RAB2A: variants seen among roughly 807,000 people sequenced by gnomAD.
RAB2A encodes the protein RAB2A, member RAS oncogene family, also known as ras-related protein Rab-2A.
Under a neutral mutation model 32.5 loss-of-function variants are expected in RAB2A, and 7 were observed. The ratio of observed to expected loss-of-function variants is 0.22; its 90% CI spans 0.12 to 0.40. The LOEUF (loss-of-function observed/expected upper bound fraction) is 0.40, where lower values mean the gene tolerates loss of function less well. Among genes scored for constraint, RAB2A ranks in the 10% least tolerant of loss-of-function variants. The pLI is 1.00. For missense variants in RAB2A, 108 were observed against 260.7 expected (o/e 0.41, Z 4.03); for synonymous variants, 79 against 85.2 (o/e 0.93, Z 0.40).
At chr8:60,542,101 C>A (rs989175617) in intron 1 of RAB2A, among the ~76,000 whole-genome samples, 1 of 152,142 alleles carries the variant, frequency 6.6e-6, no homozygotes, top group Non-Finnish European at 1.5e-5. Context: ...AAGGAAGATA[C>A]TTCTACCTTT....
chr8:60,606,309 G>C (rs1289014691), intron 6 of RAB2A, among the ~76,000 whole-genome samples: 1 of 152,196 alleles, frequency 6.6e-6, no homozygotes, highest in Non-Finnish European at 1.5e-5. Flanking sequence ...AGTACTGTTA[G>C]GAAGTGACAC....
At chr8:60,568,068 A>G (rs1156670682) in intron 2 of RAB2A, among the ~76,000 whole-genome samples, 1 of 152,184 alleles carries the variant, frequency 6.6e-6, no homozygotes, top group African/African-American at 2.4e-5. Flanking sequence ...AAATCAGGCC[A>G]CCTTCCCTCA....
At chr8:60,545,477 A>G (rs1224914161) in intron 1 of RAB2A, among the ~76,000 whole-genome samples, 2 of 152,050 alleles carry the variant, frequency 1.3e-5, no homozygotes, top group African/African-American at 4.8e-5. Flanking sequence ...TAGAGGTGCC[A>G]TGTTGCCCAG....
At chr8:60,541,151 T>C (rs1807639064) in intron 1 of RAB2A, among the ~76,000 whole-genome samples, 1 of 152,124 alleles carries the variant, frequency 6.6e-6, no homozygotes, top group Non-Finnish European at 1.5e-5. Context: ...TCCAAACACT[T>C]ATAATCCCAG....
chr8:60,580,000 CTT>C (rs10714421), intron 3 of RAB2A, among the ~76,000 whole-genome samples: 96 of 133,616 alleles, frequency 7.2e-4, no homozygotes, highest in South Asian at 9.7e-4. Context: ...ATTAAAGCAC[CTT>C]TTTTTTTTTT....
chr8:60,548,790 C>CGG (rs1563466238), intron 1 of RAB2A, among the ~76,000 whole-genome samples: 5 of 143,708 alleles, frequency 3.5e-5, no homozygotes, highest in Non-Finnish European at 7.5e-5. Flanking sequence ...ACCTCCCTCC[C>CGG]AGACGGGGCG....
At chr8:60,525,008 A>G (rs1276372029) in intron 1 of RAB2A, among the ~76,000 whole-genome samples, 1 of 152,190 alleles carries the variant, frequency 6.6e-6, no homozygotes, top group Non-Finnish European at 1.5e-5. Flanking sequence ...CACCATATCA[A>G]AAGCTTATTA....
chr8:60,523,790 A>C (rs1054063546), intron 1 of RAB2A, among the ~76,000 whole-genome samples: 1 of 149,440 alleles, frequency 6.7e-6, no homozygotes, highest in South Asian at 2.1e-4. Context: ...TCCCGGGTTC[A>C]CACCATTCTC....
At chr8:60,547,755 T>C (rs1402734133) in intron 1 of RAB2A, among the ~76,000 whole-genome samples, 3 of 115,704 alleles carry the variant, frequency 2.6e-5, no homozygotes, top group African/African-American at 1.1e-4. Context: ...GCAGAGTGGC[T>C]CCTCACTTCC....
intron 1 of RAB2A, among the ~76,000 whole-genome samples, chr8:60,555,787 A>G (rs1176086685): frequency 6.6e-6 from 1 of 152,238 alleles, no homozygotes; most frequent in East Asian, 1.9e-4. Context: ...AAGAGAAACA[A>G]TATCAAGATT....
intron 3 of RAB2A, among the ~76,000 whole-genome samples, chr8:60,576,841 G>A (rs1290591887): frequency 1.3e-5 from 2 of 152,058 alleles, no homozygotes; most frequent in African/African-American, 4.8e-5. Flanking sequence ...CCTTAAGCTG[G>A]GAGTTGAGGG....
chr8:60,571,934 C>T (rs17822578), intron 2 of RAB2A, 112 bp from the exon 3 acceptor site: 1 of 619,120 alleles, frequency 1.6e-6, no homozygotes, highest in Admixed American at 3.2e-5. Flanking sequence ...TAAAGTTGAT[C>T]TGTATATTAC....
chr8:60,531,679 C>A (rs1278205072), intron 1 of RAB2A, among the ~76,000 whole-genome samples: 1 of 151,916 alleles, frequency 6.6e-6, no homozygotes, highest in Non-Finnish European at 1.5e-5. Context: ...AAAGAAAGTT[C>A]TTTTCCATCT....
chr8:60,576,710 C>T (rs1167910794), intron 3 of RAB2A, among the ~76,000 whole-genome samples: 1 of 152,234 alleles, frequency 6.6e-6, no homozygotes, highest in East Asian at 1.9e-4. Flanking sequence ...GATGGATGAC[C>T]AGATGCAGTG....
intron 1 of RAB2A, among the ~76,000 whole-genome samples, chr8:60,542,825 C>T: frequency 6.6e-6 from 1 of 152,182 alleles, no homozygotes; most frequent in Non-Finnish European, 1.5e-5. Context: ...CTGCACTTTG[C>T]AGTTTCCAGG....
chr8:60,620,258 C>T (rs950519675), intron 7 of RAB2A, among the ~76,000 whole-genome samples: 34 of 152,310 alleles, frequency 2.2e-4, no homozygotes, highest in African/African-American at 8.2e-4. Flanking sequence ...ACTCATATGC[C>T]CTTAGCCTGT....
At position 60,517,137 on chromosome 8, in the gene RAB2A, G is replaced by A; in HGVS notation, c.-71G>A. The A allele has an allele frequency of 1.4e-6, 2 of 1,436,698 alleles. No individual in the cohort carries two copies. Among genetic ancestry groups the A allele is most frequent in the Middle Eastern group, 2.4e-4 (1 of 4,148 alleles). The allele number at this position is 1,436,698 out of a possible 1,614,324, so 89.0% of individuals were successfully genotyped here. A position where few individuals can be genotyped will look rare whatever the true frequency, so the allele number is the denominator to read the frequency against. On this transcript the variant is annotated 5_prime_UTR_variant, in exon 1 of 8. Coordinates refer to ENST00000262646, the MANE Select transcript of RAB2A (RefSeq NM_002865.3). ...GGCGTTTCGAGGCTGAGCGGCACCG[G>A]GGTTGGGGCGCGGAGGAGGAGCAGC...
intron 1 of RAB2A, among the ~76,000 whole-genome samples, chr8:60,542,367 TAGCC>T (rs1313896424): frequency 6.6e-6 from 1 of 152,090 alleles, no homozygotes; most frequent in Admixed American, 6.6e-5. Context: ...TACAAAAAAT[TAGCC>T]AGGCGTGGTG....
At chr8:60,582,161 C>T (rs1311936548) in intron 3 of RAB2A, among the ~76,000 whole-genome samples, 1 of 151,916 alleles carries the variant, frequency 6.6e-6, no homozygotes, top group Non-Finnish European at 1.5e-5. Flanking sequence ...GTTAGCCAGG[C>T]TGGTTTTGAA....
Sources: allele counts gnomAD v4.1 joint callset (sites outside exome capture counted in the v4.1 genomes callset), GRCh38; gene constraint gnomAD v4.1.1; transcripts MANE v1.5; gene names NCBI Gene and HGNC (gene_info 2026-07-23, HGNC 2026-07-21).